The following DYNC2LI1 variants were observed in gnomAD, a reference collection of about 807,000 sequenced individuals.
The protein encoded by DYNC2LI1 is dynein cytoplasmic 2 light intermediate chain 1, also known as cytoplasmic dynein 2 light intermediate chain 1.
DYNC2LI1 carries 45 observed loss-of-function variants against 51.9 expected under a neutral mutation model. That is an observed-to-expected ratio of 0.87 (90% CI 0.68 to 1.11). The LOEUF (loss-of-function observed/expected upper bound fraction) is 1.11. DYNC2LI1 is among the 50% of genes most tolerant of loss of function. The probability of loss-of-function intolerance (pLI) is 0.00; values close to 1 mark genes in which losing one functional copy is unlikely to be tolerated. For synonymous variants in DYNC2LI1, 130 were observed against 137.8 expected (o/e 0.94, Z 0.40); for missense variants, 490 against 417.4 (o/e 1.17, Z -1.51).
chr2:43,811,379 T>G (rs931328653), downstream of DYNC2LI1, among the ~76,000 whole-genome samples: 2 of 152,222 alleles, frequency 1.3e-5, no homozygotes, highest in Non-Finnish European at 2.9e-5. Context: ...TGTGGTTTCC[T>G]TAATGAAATG....
At chr2:43,775,265 G>C (rs1038316661) in intron 1 of DYNC2LI1, among the ~76,000 whole-genome samples, 3 of 152,166 alleles carry the variant, frequency 2.0e-5, no homozygotes, top group African/African-American at 7.2e-5. Flanking sequence ...GATTTAAAGA[G>C]GTTAGGTAGT....
the DYNC2LI1 span, among the ~76,000 whole-genome samples, chr2:43,815,910 G>GAAAAAAAAAA: frequency 9.6e-6 from 1 of 104,058 alleles, no homozygotes; most frequent in Non-Finnish European, 2.1e-5. Context: ...AACAGGAAAA[G>GAAAAAAAAAA]AAAAAAAAAA....
At chr2:43,782,011 A>ATGTGTG (rs72178749) in intron 2 of DYNC2LI1, among the ~76,000 whole-genome samples, 30 of 148,742 alleles carry the variant, frequency 2.0e-4, no homozygotes, top group African/African-American at 6.9e-4. Context: ...GTTTCTGTCT[A>ATGTGTG]TGTGTGTGTG....
the DYNC2LI1 span, chr2:43,824,034 AAGG>A: frequency 6.2e-7 from 1 of 1,614,230 alleles, no homozygotes; most frequent in Non-Finnish European, 8.5e-7. Context: ...GAACGAAGAA[AAGG>A]AGGAACAAAC....
intron 12 of DYNC2LI1, among the ~76,000 whole-genome samples, chr2:43,809,248 TC>T (rs1292099877): frequency 8.5e-5 from 13 of 152,114 alleles, no homozygotes; most frequent in Non-Finnish European, 1.5e-4. Context: ...TGCCCCAGCC[TC>T]CCAAAGTGCT....
At chr2:43,795,130 T>G in intron 6 of DYNC2LI1, 2 of 994,784 alleles carry the variant, frequency 2.0e-6, no homozygotes, top group Non-Finnish European at 2.4e-6. Context: ...GTTGCTATGA[T>G]GGTAACACAA....
At chr2:43,803,777 G>T (rs919485501) in intron 10 of DYNC2LI1, among the ~76,000 whole-genome samples, 8 of 152,208 alleles carry the variant, frequency 5.3e-5, no homozygotes, top group Admixed American at 1.3e-4. Context: ...TGGTAAGGAT[G>T]TCCTGGAAGA....
At chr2:43,792,874 A>T in intron 5 of DYNC2LI1, 1 of 1,396,138 alleles carries the variant, frequency 7.2e-7, no homozygotes, top group Non-Finnish European at 9.4e-7. Flanking sequence ...GTGTAAACAA[A>T]TACCACAGTT....
the DYNC2LI1 span, among the ~76,000 whole-genome samples, chr2:43,818,843 C>A: frequency 2.6e-5 from 4 of 152,098 alleles, no homozygotes; most frequent in Non-Finnish European, 4.4e-5. Context: ...TTCTCATGAT[C>A]CCTTGAGGCA....
intron 12 of DYNC2LI1, among the ~76,000 whole-genome samples, chr2:43,808,628 G>T (rs867982817): frequency 3.4e-4 from 52 of 152,168 alleles, no homozygotes; most frequent in African/African-American, 1.2e-3. Flanking sequence ...TTTATGAATT[G>T]TAAAGGTAAG....
the DYNC2LI1 span, chr2:43,828,258 C>T: frequency 1.9e-6 from 2 of 1,066,728 alleles, no homozygotes; most frequent in Non-Finnish European, 2.8e-6. Flanking sequence ...CTGGGGAAAG[C>T]ATGTCTTTGA....
intron 4 of DYNC2LI1, among the ~76,000 whole-genome samples, chr2:43,788,189 A>C (rs571139964): frequency 5.5e-4 from 84 of 152,288 alleles, no homozygotes; most frequent in African/African-American, 1.5e-3. Flanking sequence ...CCCTTTATCA[A>C]ATTGTGAATG....
At chr2:43,818,191 C>G in the DYNC2LI1 span, among the ~76,000 whole-genome samples, 3 of 152,086 alleles carry the variant, frequency 2.0e-5, no homozygotes, top group African/African-American at 4.8e-5. Context: ...GTGGCTCACA[C>G]CTGTAATCCT....
Position 43,791,036 on chromosome 2 carries a change from G to A in DYNC2LI1, c.320+1315G>A, listed in dbSNP as rs559835860. Among the ~76,000 whole-genome samples, 65 of 152,190 alleles carry A rather than the reference G, an allele frequency of 4.3e-4. 1 individual carries two copies. In the South Asian group the frequency reaches 0.013, roughly 30 times the overall value. ...TCAAGACCAGCCTGGGCAACATAGT[G>A]AGACCCCATCTCTACAAAAAAATTA... On this transcript the variant is annotated intron_variant, in intron 5 of 12. Coordinates refer to ENST00000260605, the MANE Select transcript of DYNC2LI1 (RefSeq NM_016008.4).
At chr2:43,784,950 A>G (rs1673456750) in intron 3 of DYNC2LI1, among the ~76,000 whole-genome samples, 1 of 152,182 alleles carries the variant, frequency 6.6e-6, no homozygotes, top group South Asian at 2.1e-4. Context: ...TTCAATAAAC[A>G]TAATTATGTA....
chr2:43,813,278 T>G, downstream of DYNC2LI1: 1 of 1,613,830 alleles, frequency 6.2e-7, no homozygotes, highest in Non-Finnish European at 8.5e-7. Context: ...AGGCACACAT[T>G]GGATTAGTTG....
At chr2:43,826,166 C>CT in the DYNC2LI1 span, among the ~76,000 whole-genome samples, 5,345 of 141,930 alleles carry the variant, frequency 0.038, 110 homozygotes, top group Non-Finnish European at 0.044. Flanking sequence ...TTCTTTCTTT[C>CT]TTTTTTTTTT....
intron 8 of DYNC2LI1, among the ~76,000 whole-genome samples, chr2:43,799,936 G>A (rs1666020130): frequency 6.6e-6 from 1 of 152,108 alleles, no homozygotes; most frequent in African/African-American, 2.4e-5. Context: ...ATTCTCATTT[G>A]AATACTTTCT....
Position 43,780,429 on chromosome 2 carries a change from C to T in DYNC2LI1, c.127-3091C>T, listed in dbSNP as rs562628417. 3.9e-5 allele frequency among the ~76,000 whole-genome samples: 6 copies of T among 152,052 alleles called. No individual in the cohort carries two copies. In the South Asian group the frequency reaches 1.2e-3, roughly 32 times the overall value. Reference sequence around the variant, plus strand: ...GTGAGCCAGAAGAGATGACAACAACCCTGGTGGTAAACTGATACGAGCCTC... The same window carrying T: ...GTGAGCCAGAAGAGATGACAACAACTCTGGTGGTAAACTGATACGAGCCTC... On this transcript the variant is annotated intron_variant, in intron 2 of 12. Coordinates refer to ENST00000260605, the MANE Select transcript of DYNC2LI1 (RefSeq NM_016008.4).
Sources: gnomAD v4.1 joint callset for allele counts (sites outside exome capture counted in the v4.1 genomes callset) on GRCh38, gnomAD v4.1.1 for gene constraint, MANE v1.5 for transcripts, NCBI Gene and HGNC (gene_info 2026-07-23, HGNC 2026-07-21) for gene names.